SOX6: variants seen among roughly 807,000 people sequenced by gnomAD.
SOX6 encodes the protein transcription factor SOX-6.
A neutral mutation model predicts 97.8 loss-of-function variants in SOX6; 11 were observed. The observed-to-expected ratio is 0.11, with a 90% CI of 0.07 to 0.19. SOX6 has a LOEUF of 0.19. Ranked by LOEUF, SOX6 falls within the 10% of genes least tolerant of loss-of-function variation. The probability of loss-of-function intolerance (pLI) is 1.00; values close to 1 mark genes in which losing one functional copy is unlikely to be tolerated. For synonymous variants in SOX6, 360 were observed against 371.4 expected, an observed-to-expected ratio of 0.97 and a Z score of 0.35; for missense variants, 810 against 1,039.5, an observed-to-expected ratio of 0.78 and a Z score of 3.04.
At chr11:16,359,675 G>T (rs1437633984), upstream of SOX6, among the ~76,000 whole-genome samples, 1 of 152,110 alleles carries the variant, frequency 6.6e-6, no homozygotes, top group Non-Finnish European at 1.5e-5. Context: ...AAATGCCACT[G>T]ATAAATGTTG....
chr11:16,393,466 T>G (rs980717701), intron 1 of SOX6, among the ~76,000 whole-genome samples: 9 of 152,090 alleles, frequency 5.9e-5, no homozygotes, highest in African/African-American at 2.2e-4. Context: ...CACATTGCTC[T>G]TCACTTTCTC....
chr11:16,364,934 C>T (rs563055161), intron 1 of SOX6, among the ~76,000 whole-genome samples: 1 of 152,044 alleles, frequency 6.6e-6, no homozygotes, highest in African/African-American at 2.4e-5. Flanking sequence ...TACTGTGGAA[C>T]TATTATAAAG....
intron 4 of SOX6, among the ~76,000 whole-genome samples, chr11:16,228,637 C>A (rs1401454): frequency 2.0e-5 from 3 of 151,844 alleles, no homozygotes; most frequent in Non-Finnish European, 4.4e-5. Context: ...TGCTGTAAAT[C>A]TGCTAGGAGA....
chr11:15,987,964 C>T (rs1385506123), intron 14 of SOX6, among the ~76,000 whole-genome samples: 1 of 152,040 alleles, frequency 6.6e-6, no homozygotes, highest in East Asian at 1.9e-4. Flanking sequence ...CTCAAAATGC[C>T]TCAGAATCAA....
intron 4 of SOX6, among the ~76,000 whole-genome samples, chr11:16,535,189 C>T (rs1054826103): frequency 2.0e-5 from 3 of 152,088 alleles, no homozygotes; most frequent in African/African-American, 4.8e-5. Flanking sequence ...TGTGCAAGCT[C>T]GTGAAAATAT....
At chr11:16,106,372 G>GTGTA (rs1849085097) in intron 7 of SOX6, among the ~76,000 whole-genome samples, 1 of 151,288 alleles carries the variant, frequency 6.6e-6, no homozygotes, top group African/African-American at 2.4e-5. Context: ...ATGTGTGTGT[G>GTGTA]TATATATATA....
chr11:16,401,584 T>C (rs1590188380), intron 1 of SOX6, among the ~76,000 whole-genome samples: 1 of 151,660 alleles, frequency 6.6e-6, no homozygotes, highest in East Asian at 1.9e-4. Context: ...CAAGTTGTCT[T>C]GGGCAAGTCA....
chr11:16,526,371 A>G (rs1403468298), intron 4 of SOX6, among the ~76,000 whole-genome samples: 1 of 152,066 alleles, frequency 6.6e-6, no homozygotes, highest in South Asian at 2.1e-4. Flanking sequence ...TTCTCAGTAA[A>G]CTATCGCAAG....
chr11:16,494,639 G>A (rs1231362315), intron 4 of SOX6, among the ~76,000 whole-genome samples: 1 of 151,950 alleles, frequency 6.6e-6, no homozygotes, highest in African/African-American at 2.4e-5. Flanking sequence ...ACTTAAGAGA[G>A]AACACTGAAA....
intron 2 of SOX6, among the ~76,000 whole-genome samples, chr11:16,717,257 G>C (rs1848225814): frequency 6.6e-6 from 1 of 152,078 alleles, no homozygotes; most frequent in South Asian, 2.1e-4. Flanking sequence ...GAATAAACTA[G>C]TTTGGCTCTG....
chr11:16,039,052 A>C (rs778428717), intron 12 of SOX6, among the ~76,000 whole-genome samples: 6 of 152,112 alleles, frequency 3.9e-5, no homozygotes, highest in Non-Finnish European at 7.4e-5. Flanking sequence ...GGAAGCTCAC[A>C]ATCGAGTCTG....
Position 16,410,759 on chromosome 11 carries a change from CA to C in SOX6, c.-5+65555del, listed in dbSNP as rs71044100. ...GGGCAACAGAGCAAGAACCGGTCTC[CA>C]AAAAAAAAAAAAAAAAAAAGATATG... On this transcript the variant is annotated intron_variant, in intron 1 of 15. Transcript: ENST00000396356. Among the ~76,000 whole-genome samples, 442 of 64,380 alleles carry C rather than the reference CA, an allele frequency of 6.9e-3. 1 individual carries two copies. The highest frequency in any genetic ancestry group is 0.02 in the African/African-American group (345 of 16,968). 42.2% of individuals were successfully genotyped at this position (64,380 alleles called of 152,430 possible).
At chr11:16,367,903 C>T (rs1467938628) in intron 1 of SOX6, among the ~76,000 whole-genome samples, 2 of 152,050 alleles carry the variant, frequency 1.3e-5, no homozygotes, top group Non-Finnish European at 2.9e-5. Flanking sequence ...CTTCACTTAT[C>T]ATCAGTGGGT....
chr11:16,503,886 T>C (rs1022601273), intron 4 of SOX6, among the ~76,000 whole-genome samples: 1 of 151,790 alleles, frequency 6.6e-6, no homozygotes, highest in African/African-American at 2.4e-5. Flanking sequence ...GTACTAAAAA[T>C]ACAAAAATTA....
At chr11:16,532,300 A>C (rs1861247477) in intron 4 of SOX6, among the ~76,000 whole-genome samples, 1 of 151,718 alleles carries the variant, frequency 6.6e-6, no homozygotes, top group Non-Finnish European at 1.5e-5. Context: ...ATTTATTCTT[A>C]CTCTTCAGTT....
intron 6 of SOX6, among the ~76,000 whole-genome samples, chr11:16,169,439 T>A (rs527529334): frequency 6.6e-6 from 1 of 152,180 alleles, no homozygotes; most frequent in East Asian, 1.9e-4. Context: ...AGTCAAAAAT[T>A]AAGATAAATG....
chr11:16,327,147 G>A (rs12797792), intron 2 of SOX6, among the ~76,000 whole-genome samples: 2,010 of 152,244 alleles, frequency 0.013, 20 homozygotes, highest in Non-Finnish European at 0.019. Context: ...ATTCAATAGT[G>A]AGTCACCAAG....
At chr11:16,527,103 G>C (rs1486126868) in intron 4 of SOX6, among the ~76,000 whole-genome samples, 1 of 152,018 alleles carries the variant, frequency 6.6e-6, no homozygotes, top group East Asian at 1.9e-4. Flanking sequence ...GCTGTTCATT[G>C]CAAGTATCCT....
chr11:16,509,945 G>A (rs1333697565), intron 4 of SOX6, among the ~76,000 whole-genome samples: 1 of 151,954 alleles, frequency 6.6e-6, no homozygotes, highest in African/African-American at 2.4e-5. Flanking sequence ...TCATTTTAAT[G>A]CTCTTGAAAT....
Sources: allele counts gnomAD v4.1 joint callset (sites outside exome capture counted in the v4.1 genomes callset), GRCh38; gene constraint gnomAD v4.1.1; transcripts MANE v1.5; gene names NCBI Gene and HGNC (gene_info 2026-07-23, HGNC 2026-07-21).